The following NRCAM variants were observed in gnomAD, a reference collection of about 807,000 sequenced individuals.
The protein encoded by NRCAM is neuronal cell adhesion molecule.
Under a neutral mutation model 156.5 loss-of-function variants are expected in NRCAM, and 83 were observed. The ratio of observed to expected loss-of-function variants is 0.53; its 90% CI spans 0.44 to 0.64. The LOEUF is 0.64. Among genes scored for constraint, NRCAM ranks in the 30% least tolerant of loss-of-function variants. The probability of loss-of-function intolerance (pLI) is 0.00; values close to 1 mark genes in which losing one functional copy is unlikely to be tolerated. For missense variants in NRCAM, 1,417 were observed against 1,597.3 expected (o/e 0.89, Z 1.92); for synonymous variants, 538 against 563.9 (o/e 0.95, Z 0.65).
chr7:108,317,245 AAT>A (rs1259209501), intron 2 of NRCAM, among the ~76,000 whole-genome samples: 1 of 152,232 alleles, frequency 6.6e-6, no homozygotes, highest in Non-Finnish European at 1.5e-5. Flanking sequence ...TGCCCTATCT[AAT>A]AGAGTTGGCA....
At chr7:108,436,947 T>TA in intron 1 of NRCAM, among the ~76,000 whole-genome samples, 1 of 152,154 alleles carries the variant, frequency 6.6e-6, no homozygotes, top group African/African-American at 2.4e-5. Context: ...ATCAGTATAT[T>TA]GAAGAGATAT....
intron 3 of NRCAM, among the ~76,000 whole-genome samples, chr7:108,270,265 C>A (rs921416780): frequency 1.3e-5 from 2 of 152,196 alleles, no homozygotes; most frequent in South Asian, 2.1e-4. Context: ...TGAGTTGGAA[C>A]TGGGCTTTAG....
intron 1 of NRCAM, among the ~76,000 whole-genome samples, chr7:108,408,747 A>G (rs1791569420): frequency 6.6e-6 from 1 of 152,252 alleles, no homozygotes; most frequent in South Asian, 2.1e-4. Context: ...ACCCAGCTGG[A>G]AAGGGGCCAT....
chr7:108,217,911 T>C (rs1028396357), intron 11 of NRCAM, among the ~76,000 whole-genome samples: 6 of 152,124 alleles, frequency 3.9e-5, no homozygotes, highest in African/African-American at 1.4e-4. Flanking sequence ...TTCAGCTCCC[T>C]TTCCAGGGGA....
At chr7:108,216,664 A>G (rs1028987817) in intron 11 of NRCAM, among the ~76,000 whole-genome samples, 3 of 151,746 alleles carry the variant, frequency 2.0e-5, no homozygotes, top group Non-Finnish European at 4.4e-5. Context: ...CATTAAGTTG[A>G]TCTTCTATCT....
intron 23 of NRCAM, among the ~76,000 whole-genome samples, chr7:108,182,409 G>A (rs993958741): frequency 2.0e-5 from 3 of 152,144 alleles, no homozygotes; most frequent in Non-Finnish European, 4.4e-5. Context: ...TCATATAGGA[G>A]GGTTCCATAG....
intron 3 of NRCAM, among the ~76,000 whole-genome samples, chr7:108,255,928 A>G (rs1269648): frequency 0.78 from 109,009 of 139,216 alleles, 41,291 homozygotes; most frequent in East Asian, 0.94. Flanking sequence ...GGCAGCCCCC[A>G]CCCAGCCAGC....
At chr7:108,356,403 A>G (rs1313399914) in intron 2 of NRCAM, among the ~76,000 whole-genome samples, 1 of 152,194 alleles carries the variant, frequency 6.6e-6, no homozygotes, top group Non-Finnish European at 1.5e-5. Context: ...AACAGTGTAT[A>G]TAGGGTTCAG....
chr7:108,365,638 C>T (rs951684168), intron 2 of NRCAM, among the ~76,000 whole-genome samples: 1 of 150,808 alleles, frequency 6.6e-6, no homozygotes, highest in South Asian at 2.1e-4. Context: ...AGGATGAAAA[C>T]CACACAGCTA....
chr7:108,195,921 A>G (rs1156459589), intron 14 of NRCAM, 49 bp from the exon 15 acceptor site: 1 of 1,162,440 alleles, frequency 8.6e-7, no homozygotes, highest in East Asian at 2.5e-5. Flanking sequence ...ACATTTTAGG[A>G]CTATCGTTTA....
chr7:108,303,511 G>A, intron 3 of NRCAM, among the ~76,000 whole-genome samples: 1 of 152,234 alleles, frequency 6.6e-6, no homozygotes, highest in Middle Eastern at 3.4e-3. Flanking sequence ...AGCTGCTGGG[G>A]TGTCTGTTCT....
intron 3 of NRCAM, among the ~76,000 whole-genome samples, chr7:108,274,788 G>C (rs531319279): frequency 6.6e-6 from 1 of 152,276 alleles, no homozygotes; most frequent in African/African-American, 2.4e-5. Context: ...GAATAGGAGT[G>C]GCGACAGACG....
intron 3 of NRCAM, among the ~76,000 whole-genome samples, chr7:108,241,907 T>G (rs2095552710): frequency 6.6e-6 from 1 of 152,180 alleles, no homozygotes; most frequent in South Asian, 2.1e-4. Context: ...CCTAATAACA[T>G]ATTTTGCTAG....
intron 32 of NRCAM, among the ~76,000 whole-genome samples, chr7:108,151,075 A>G (rs909159288): frequency 7.2e-5 from 11 of 152,264 alleles, no homozygotes; most frequent in Middle Eastern, 3.4e-3. Context: ...CCATTATTAC[A>G]ATTTTTGCTT....
At chr7:108,395,429 G>A (rs900575556) in intron 2 of NRCAM, among the ~76,000 whole-genome samples, 2 of 152,178 alleles carry the variant, frequency 1.3e-5, no homozygotes, top group Admixed American at 1.3e-4. Context: ...TCTCTATGAT[G>A]GGATTGAATT....
Position 108,234,616 on chromosome 7 carries a change from A to G in NRCAM, c.197T>C (p.Ile66Thr). Reference protein sequence around the residue: ...YIIDPRENIVIQCEAKGKPPP... With the variant: ...YIIDPRENIVTQCEAKGKPPP... ...CGGTTTCCCTTTGGCTTCACACTGG[A>G]TTACAATATTCTCCCGAGGGTCAAT... The change falls in exon 6 of 33, where the codon ATC becomes ACC. Residue 66 changes from isoleucine to threonine, a missense_variant. Ile to Thr is a moderately conservative substitution (Grantham distance 89). Around this residue, in one of 2 missense-constraint regions of NRCAM, gnomAD observed 1,238 missense variants for 1,336.4 expected, o/e 0.93. Coordinates refer to ENST00000379028, the MANE Select transcript of NRCAM (RefSeq NM_001037132.4). The G allele has an allele frequency of 6.2e-7, 1 of 1,613,128 alleles. No individual in the cohort carries two copies. Among genetic ancestry groups the G allele is most frequent in the Non-Finnish European group, 8.5e-7 (1 of 1,179,284 alleles).
At chr7:108,268,080 G>A (rs1046290133) in intron 3 of NRCAM, among the ~76,000 whole-genome samples, 1 of 152,018 alleles carries the variant, frequency 6.6e-6, no homozygotes, top group Non-Finnish European at 1.5e-5. Flanking sequence ...CTTTTAAAGA[G>A]CAATGTTTCC....
chr7:108,236,729 G>T (rs2095056377), intron 5 of NRCAM, among the ~76,000 whole-genome samples: 1 of 152,012 alleles, frequency 6.6e-6, no homozygotes, highest in Non-Finnish European at 1.5e-5. Flanking sequence ...ATTTGGACCA[G>T]ATTCACCTCT....
chr7:108,154,131 T>C (rs2043392316), intron 32 of NRCAM, among the ~76,000 whole-genome samples: 1 of 152,124 alleles, frequency 6.6e-6, no homozygotes, highest in African/African-American at 2.4e-5. Flanking sequence ...AGAAGACAAC[T>C]AAAGTTAGAG....
Sources: allele counts gnomAD v4.1 joint callset (sites outside exome capture counted in the v4.1 genomes callset), GRCh38; gene constraint gnomAD v4.1.1; regional missense constraint gnomAD v4.1.1; transcripts MANE v1.5; gene names NCBI Gene and HGNC (gene_info 2026-07-23, HGNC 2026-07-21).